DIAPH2: variants seen among roughly 807,000 people sequenced by gnomAD.
DIAPH2 encodes protein diaphanous homolog 2.
DIAPH2 carries 35 observed loss-of-function variants against 92.7 expected under a neutral mutation model. The ratio of observed to expected loss-of-function variants is 0.38; its 90% CI spans 0.29 to 0.50. DIAPH2 has a LOEUF of 0.50. Ranked by LOEUF, DIAPH2 falls within the 20% of genes least tolerant of loss-of-function variation. The pLI, the probability that DIAPH2 is intolerant of heterozygous loss-of-function variation, is 0.94. For synonymous variants in DIAPH2, 301 were observed against 280.4 expected (o/e 1.07, Z -0.73); for missense variants, 701 against 819.5 (o/e 0.86, Z 1.77).
chrX:97,341,262 C>T (rs1468475646), intron 23 of DIAPH2: 1 of 109,849 alleles, frequency 9.1e-6, no homozygotes, highest in Non-Finnish European at 1.9e-5. Context: ...TAGGTAAAAA[C>T]TCTCATGCTG....
chrX:96,821,016 A>G (rs1296056663), intron 4 of DIAPH2, among the ~76,000 whole-genome samples: 3 of 111,547 alleles, frequency 2.7e-5, no homozygotes, highest in Non-Finnish European at 5.6e-5. Flanking sequence ...TATTGGAAAG[A>G]ACTTGGTCTG....
intron 4 of DIAPH2, among the ~76,000 whole-genome samples, chrX:96,769,844 G>A (rs1008167109): frequency 2.7e-5 from 3 of 111,793 alleles, no homozygotes; most frequent in East Asian, 2.8e-4. Flanking sequence ...ACTCCCACCC[G>A]CCAGCCGGCC....
intron 26 of DIAPH2, among the ~76,000 whole-genome samples, chrX:97,492,409 G>A (rs2070731128): frequency 9.0e-6 from 1 of 111,263 alleles, no homozygotes; most frequent in South Asian, 3.8e-4. Flanking sequence ...CAATAGGAAT[G>A]AGACCCTGTC....
intron 4 of DIAPH2, among the ~76,000 whole-genome samples, chrX:96,818,200 C>T (rs2064753517): frequency 2.9e-5 from 3 of 103,820 alleles, no homozygotes; most frequent in Admixed American, 1.1e-4. Flanking sequence ...GGGATGGTCA[C>T]GATCTCCTGA....
At chrX:97,008,047 C>T (rs1056115962) in intron 17 of DIAPH2, among the ~76,000 whole-genome samples, 7 of 101,420 alleles carry the variant, frequency 6.9e-5, no homozygotes, top group Admixed American at 2.3e-4. Context: ...CAGATGTGAG[C>T]CACTGTGCCT....
chrX:97,035,361 A>G (rs755687523), intron 17 of DIAPH2, among the ~76,000 whole-genome samples: 121 of 112,261 alleles, frequency 1.1e-3, no homozygotes, highest in African/African-American at 3.7e-3. Flanking sequence ...TAGTATTTTA[A>G]CTTTTTGATT....
chrX:96,732,755 G>A (rs1348585701), intron 1 of DIAPH2, among the ~76,000 whole-genome samples: 1 of 112,041 alleles, frequency 8.9e-6, no homozygotes, highest in East Asian at 2.8e-4. Context: ...TTGACCAGGG[G>A]TCCACATTTG....
chrX:97,366,284 T>C (rs748411840), intron 24 of DIAPH2, among the ~76,000 whole-genome samples: 1 of 111,922 alleles, frequency 8.9e-6, no homozygotes, highest in Non-Finnish European at 1.9e-5. Flanking sequence ...TCTCTCTTTC[T>C]CTCTGCCACC....
intron 23 of DIAPH2, among the ~76,000 whole-genome samples, chrX:97,339,236 G>A (rs1207191400): frequency 6.3e-5 from 7 of 111,133 alleles, no homozygotes; most frequent in African/African-American, 2.3e-4. Flanking sequence ...TTGTGGGCTG[G>A]GTGCAGTGGC....
At chrX:97,025,448 G>GAGAC (rs1292490464) in intron 17 of DIAPH2, among the ~76,000 whole-genome samples, 2 of 109,421 alleles carry the variant, frequency 1.8e-5, no homozygotes, top group Non-Finnish European at 3.8e-5. Context: ...TCAGGAAATT[G>GAGAC]AGACCATCCT....
chrX:97,282,325 G>A (rs769764169), intron 23 of DIAPH2, among the ~76,000 whole-genome samples: 3 of 111,438 alleles, frequency 2.7e-5, no homozygotes, highest in African/African-American at 6.5e-5. Context: ...ACGGAGTTTC[G>A]CACTGTCGCT....
intron 5 of DIAPH2, among the ~76,000 whole-genome samples, chrX:96,909,259 G>A (rs1481423558): frequency 9.0e-6 from 1 of 111,272 alleles, no homozygotes; most frequent in Non-Finnish European, 1.9e-5. Context: ...TTCAATGTCA[G>A]AATTTCTGCC....
chrX:97,103,847 A>G (rs900960033), intron 20 of DIAPH2, among the ~76,000 whole-genome samples: 5 of 111,879 alleles, frequency 4.5e-5, no homozygotes, highest in Admixed American at 1.9e-4. Context: ...ATCACCTGCT[A>G]TTTGGCCTCT....
At chrX:96,923,017 A>G (rs924525810) in intron 9 of DIAPH2, among the ~76,000 whole-genome samples, 2 of 111,578 alleles carry the variant, frequency 1.8e-5, no homozygotes, top group African/African-American at 6.5e-5. Flanking sequence ...ACTTCATAAA[A>G]AACAGTGAGG....
chrX:97,599,510 C>G lies in DIAPH2; in HGVS notation c.*193C>G. The G allele has an allele frequency of 3.6e-6, 1 of 275,139 alleles. No individual in the cohort carries two copies. Among genetic ancestry groups the G allele is most frequent in the Non-Finnish European group, 6.7e-6 (1 of 149,394 alleles). 22.7% of individuals were successfully genotyped at this position (275,139 alleles called of 1,213,427 possible). A position where few individuals can be genotyped will look rare whatever the true frequency, so the allele number is the denominator to read the frequency against. On this transcript the variant is annotated 3_prime_UTR_variant, in exon 27 of 27. Coordinates refer to ENST00000324765, the MANE Select transcript of DIAPH2 (RefSeq NM_006729.5). Reference sequence around the variant, plus strand: ...TCCCACAATTATTCTAATCTGAACACAGTTATCAGGATTACAAAATGTGTT... The same window carrying G: ...TCCCACAATTATTCTAATCTGAACAGAGTTATCAGGATTACAAAATGTGTT...
intron 9 of DIAPH2, among the ~76,000 whole-genome samples, chrX:96,923,797 G>A (rs2065562333): frequency 9.0e-6 from 1 of 111,377 alleles, no homozygotes; most frequent in South Asian, 3.8e-4. Context: ...GCACACTTCA[G>A]TACCTCCCGA....
At chrX:96,890,399 A>G (rs2065299046) in intron 5 of DIAPH2, among the ~76,000 whole-genome samples, 1 of 111,862 alleles carries the variant, frequency 8.9e-6, no homozygotes, top group Admixed American at 9.5e-5. Flanking sequence ...AGGATTTCCT[A>G]ATGTTTCATT....
At chrX:96,712,841 A>G (rs777891464) in intron 1 of DIAPH2, among the ~76,000 whole-genome samples, 1 of 111,320 alleles carries the variant, frequency 9.0e-6, no homozygotes, top group African/African-American at 3.3e-5. Flanking sequence ...ATTTTTTTCC[A>G]CACTGGCGAA....
chrX:97,132,551 A>G (rs2067144716), intron 21 of DIAPH2, among the ~76,000 whole-genome samples: 1 of 112,019 alleles, frequency 8.9e-6, no homozygotes, highest in African/African-American at 3.2e-5. Flanking sequence ...GAGGGCACAG[A>G]ACTTAATTTT....
Sources: allele counts gnomAD v4.1 joint callset (sites outside exome capture counted in the v4.1 genomes callset), GRCh38; gene constraint gnomAD v4.1.1; transcripts MANE v1.5; gene names NCBI Gene and HGNC (gene_info 2026-07-23, HGNC 2026-07-21).